The following MDGA2 variants were observed in gnomAD, a reference collection of about 807,000 sequenced individuals.
MDGA2 encodes MAM domain containing glycosylphosphatidylinositol anchor 2, also known as MAM domain-containing glycosylphosphatidylinositol anchor protein 2.
Under a neutral mutation model 117.8 loss-of-function variants are expected in MDGA2, and 40 were observed. The observed-to-expected ratio is 0.34, with a 90% CI of 0.26 to 0.44. MDGA2 has a LOEUF of 0.44. MDGA2 is among the 20% of genes least tolerant of loss of function. MDGA2 has a pLI of 1.00. For synonymous variants in MDGA2, 452 were observed against 439.0 expected, an observed-to-expected ratio of 1.03 and a Z score of -0.37; for missense variants, 1,123 against 1,250.6, an observed-to-expected ratio of 0.90 and a Z score of 1.54.
At chr14:47,092,389 C>T (rs551163152) in intron 6 of MDGA2, among the ~76,000 whole-genome samples, 28 of 152,210 alleles carry the variant, frequency 1.8e-4, no homozygotes, top group Admixed American at 6.5e-4. Flanking sequence ...GCAAAACAGA[C>T]CTCTTTCTTA....
chr14:47,090,881 G>C (rs1220700237), intron 6 of MDGA2, among the ~76,000 whole-genome samples: 1 of 152,146 alleles, frequency 6.6e-6, no homozygotes, highest in East Asian at 1.9e-4. Context: ...CCAGGCACTA[G>C]TTATTTGAAT....
At chr14:47,271,779 C>T (rs1888152327) in intron 2 of MDGA2, among the ~76,000 whole-genome samples, 1 of 152,112 alleles carries the variant, frequency 6.6e-6, no homozygotes, top group Admixed American at 6.6e-5. Flanking sequence ...TAAATAATTT[C>T]TCAAATATCA....
At chr14:47,618,529 C>T (rs546706134) in intron 1 of MDGA2, among the ~76,000 whole-genome samples, 1 of 152,306 alleles carries the variant, frequency 6.6e-6, no homozygotes, top group African/African-American at 2.4e-5. Flanking sequence ...ATTTTTCTTA[C>T]TGCAATACAT....
chr14:47,518,144 AATTCTTT>A (rs1894793432), intron 1 of MDGA2, among the ~76,000 whole-genome samples: 1 of 152,162 alleles, frequency 6.6e-6, no homozygotes, highest in Non-Finnish European at 1.5e-5. Flanking sequence ...GCAAAGAAAT[AATTCTTT>A]CACAGCAACT....
At chr14:47,125,392 T>G (rs1566638645) in intron 5 of MDGA2, among the ~76,000 whole-genome samples, 1 of 152,158 alleles carries the variant, frequency 6.6e-6, no homozygotes, top group Non-Finnish European at 1.5e-5. Flanking sequence ...CTATCATGAA[T>G]AGATAACAGT....
intron 9 of MDGA2, among the ~76,000 whole-genome samples, chr14:46,937,362 G>A (rs1018289145): frequency 6.6e-6 from 1 of 151,724 alleles, no homozygotes; most frequent in Non-Finnish European, 1.5e-5. Flanking sequence ...GAAGAATACT[G>A]TTACAATGAC....
chr14:47,400,999 CG>C (rs1440642912), intron 1 of MDGA2, among the ~76,000 whole-genome samples: 3 of 151,222 alleles, frequency 2.0e-5, no homozygotes, highest in Non-Finnish European at 2.9e-5. Context: ...CCTCATGATC[CG>C]CTCACCTCGG....
chr14:46,939,109 T>TG lies in MDGA2; in HGVS notation c.2089+18264dup, dbSNP rs576572964. On this transcript the variant is annotated intron_variant, in intron 9 of 16. Coordinates refer to ENST00000399232, the MANE Select transcript of MDGA2 (RefSeq NM_001113498.3). ...TAGAACAGAGGTTACCAGAGCCTGG[T>TG]GGGGGGGTAGTTGAGAAGGAGAGAA... Among the ~76,000 whole-genome samples the TG allele has an allele frequency of 3.8e-3, 579 of 152,038 alleles. 2 individuals carry two copies. Among genetic ancestry groups the TG allele is most frequent in the African/African-American group, 0.013 (531 of 41,464 alleles).
chr14:47,023,493 ATTTCT>A (rs1180970320), intron 8 of MDGA2, among the ~76,000 whole-genome samples: 2 of 152,160 alleles, frequency 1.3e-5, no homozygotes, highest in Admixed American at 1.3e-4. Flanking sequence ...TCATAACAAG[ATTTCT>A]TTTCATCATG....
At chr14:47,477,869 C>A (rs1014594116) in intron 1 of MDGA2, among the ~76,000 whole-genome samples, 2 of 152,158 alleles carry the variant, frequency 1.3e-5, no homozygotes, top group African/African-American at 4.8e-5. Flanking sequence ...TCAAGCAAAC[C>A]TCTTTCTTTT....
At chr14:47,019,054 T>G (rs1200331938) in intron 8 of MDGA2, among the ~76,000 whole-genome samples, 2 of 152,190 alleles carry the variant, frequency 1.3e-5, no homozygotes, top group African/African-American at 4.8e-5. Context: ...GCAGAGAAAT[T>G]TATTGACTGA....
At chr14:47,591,702 CT>C (rs1896442454) in intron 1 of MDGA2, among the ~76,000 whole-genome samples, 1 of 151,728 alleles carries the variant, frequency 6.6e-6, no homozygotes, top group Non-Finnish European at 1.5e-5. Flanking sequence ...TCTCAATAGA[CT>C]CAGAAAGAGC....
chr14:46,877,407 A>G (rs969038180), intron 12 of MDGA2, 82 bp downstream of exon 12: 1 of 782,562 alleles, frequency 1.3e-6, no homozygotes, highest in Non-Finnish European at 2.0e-6. Flanking sequence ...AATAGTTACT[A>G]AACAATTTTT....
chr14:47,217,535 T>C (rs1448703980), intron 3 of MDGA2, among the ~76,000 whole-genome samples: 1 of 152,062 alleles, frequency 6.6e-6, no homozygotes, highest in Non-Finnish European at 1.5e-5. Context: ...AAAAGCAGAC[T>C]ATACGTAGAG....
intron 3 of MDGA2, among the ~76,000 whole-genome samples, chr14:47,211,733 C>T (rs1255091835): frequency 6.6e-6 from 1 of 152,012 alleles, no homozygotes; most frequent in Non-Finnish European, 1.5e-5. Flanking sequence ...TGTAGAACTG[C>T]CAGGGAGAAT....
chr14:47,470,881 T>C (rs1216537229), intron 1 of MDGA2, among the ~76,000 whole-genome samples: 1 of 152,204 alleles, frequency 6.6e-6, no homozygotes, highest in Non-Finnish European at 1.5e-5. Context: ...TTATACTTAG[T>C]AATGAGACTA....
chr14:46,925,403 G>A (rs1445174929), intron 9 of MDGA2, among the ~76,000 whole-genome samples: 1 of 152,014 alleles, frequency 6.6e-6, no homozygotes, highest in African/African-American at 2.4e-5. Context: ...AGGTCAAGGT[G>A]GGAGGATCAC....
chr14:46,858,428 C>CTTTTTTTTTT (rs71112466), intron 14 of MDGA2, among the ~76,000 whole-genome samples: 4 of 123,834 alleles, frequency 3.2e-5, no homozygotes, highest in East Asian at 2.3e-4. Flanking sequence ...TTCTTTTTTT[C>CTTTTTTTTTT]TTTTTTTTTT....
At chr14:47,349,833 C>G (rs933145002) in intron 1 of MDGA2, among the ~76,000 whole-genome samples, 1 of 152,202 alleles carries the variant, frequency 6.6e-6, no homozygotes, top group Admixed American at 6.5e-5. Flanking sequence ...CTTTTACCCC[C>G]AGAAGGTTGA....
Sources: gnomAD v4.1 joint callset for allele counts (sites outside exome capture counted in the v4.1 genomes callset) on GRCh38, gnomAD v4.1.1 for gene constraint, MANE v1.5 for transcripts, NCBI Gene and HGNC (gene_info 2026-07-23, HGNC 2026-07-21) for gene names.